TECRL: variants seen among roughly 807,000 people sequenced by gnomAD.
The protein encoded by TECRL is trans-2,3-enoyl-CoA reductase like.
A neutral mutation model predicts 52.8 loss-of-function variants in TECRL; 63 were observed. The observed-to-expected ratio is 1.19, with a 90% CI of 0.97 to 1.47. The LOEUF (loss-of-function observed/expected upper bound fraction) is 1.47. Among genes scored for constraint, TECRL ranks in the 40% most tolerant of loss-of-function variants. TECRL has a pLI of 0.00. For missense variants in TECRL, 482 were observed against 429.6 expected (o/e 1.12, Z -1.08); for synonymous variants, 164 against 141.9 (o/e 1.16, Z -1.10).
chr4:64,293,946 AT>A (rs1271033317), intron 8 of TECRL, among the ~76,000 whole-genome samples: 1 of 150,120 alleles, frequency 6.7e-6, no homozygotes, highest in African/African-American at 2.4e-5. Context: ...TAATATCATT[AT>A]TAATTTTTGG....
chr4:64,347,073 G>GCCATATAAA (rs1348079243), intron 2 of TECRL, among the ~76,000 whole-genome samples: 1 of 152,048 alleles, frequency 6.6e-6, no homozygotes, highest in African/African-American at 2.4e-5. Flanking sequence ...ACAAGAGTGG[G>GCCATATAAA]CCATATAAAT....
Position 64,307,686 on chromosome 4 carries a change from A to G in TECRL, c.657+2140T>C, listed in dbSNP as rs140941166. Among the ~76,000 whole-genome samples the G allele has an allele frequency of 4.5e-4, 68 of 152,318 alleles. No individual in the cohort carries two copies. The East Asian group carries it at 0.012, about 27-fold the overall frequency. ...TAATGTTCACTCTGGGCAAGCCCCAACATCACTCATTTATAGAGGCCTTCC... is the reference window on the plus strand; with the variant it reads ...TAATGTTCACTCTGGGCAAGCCCCAGCATCACTCATTTATAGAGGCCTTCC... On this transcript the variant is annotated intron_variant, in intron 6 of 11. Coordinates refer to ENST00000381210, the MANE Select transcript of TECRL (RefSeq NM_001010874.5).
chr4:64,326,573 C>A (rs1465736763), intron 3 of TECRL, among the ~76,000 whole-genome samples: 1 of 152,098 alleles, frequency 6.6e-6, no homozygotes, highest in Non-Finnish European at 1.5e-5. Flanking sequence ...CTACTCCCAG[C>A]TTGTGAGTAG....
chr4:64,376,926 G>C (rs148809188), intron 1 of TECRL, among the ~76,000 whole-genome samples: 1,896 of 152,048 alleles, frequency 0.012, 47 homozygotes, highest in African/African-American at 0.043. Context: ...AAATAAAGCT[G>C]TGAGTGCAAA....
In TECRL at chr4:64,353,204, TCAGA is replaced by T. The variant is rs752365699; in HGVS notation, c.286+21964_286+21967del. On this transcript the variant is annotated intron_variant, in intron 2 of 11. Transcript: ENST00000381210. ...GATATAAACACAGAATAAGAAGTTC[TCAGA>T]GAGTAATAAATACCATGCTGTTAAA... Among the ~76,000 whole-genome samples the T allele has an allele frequency of 4.5e-4, 69 of 152,286 alleles. No homozygotes were observed. The East Asian group carries it at 0.012, about 27-fold the overall frequency.
chr4:64,330,426 T>A (rs761592886), intron 2 of TECRL, among the ~76,000 whole-genome samples: 1 of 152,074 alleles, frequency 6.6e-6, no homozygotes, highest in African/African-American at 2.4e-5. Context: ...AAAGTTCAAA[T>A]GTTGATAGCC....
At chr4:64,391,846 A>T (rs1401786918) in intron 1 of TECRL, among the ~76,000 whole-genome samples, 4 of 151,922 alleles carry the variant, frequency 2.6e-5, no homozygotes, top group African/African-American at 4.8e-5. Flanking sequence ...TGTTACAATG[A>T]TATAGAAAGC....
At chr4:64,303,688 A>AAAG (rs1724151562) in intron 7 of TECRL, among the ~76,000 whole-genome samples, 1 of 151,832 alleles carries the variant, frequency 6.6e-6, no homozygotes, top group African/African-American at 2.4e-5. Context: ...AGCCTTAATA[A>AAAG]AAGTTAATTT....
At chr4:64,330,870 AT>A (rs1445134968) in intron 2 of TECRL, among the ~76,000 whole-genome samples, 1 of 152,136 alleles carries the variant, frequency 6.6e-6, no homozygotes, top group East Asian at 1.9e-4. Flanking sequence ...CAAATACCAC[AT>A]CCTAAAGATG....
chr4:64,299,928 T>TA, intron 8 of TECRL, 46 bp downstream of exon 8: 2 of 1,257,050 alleles, frequency 1.6e-6, no homozygotes, highest in South Asian at 1.7e-5. Flanking sequence ...TTCTTAATAA[T>TA]ACCAAAATTA....
Position 64,309,265 on chromosome 4 carries a change from T to C in TECRL, c.657+561A>G, listed in dbSNP as rs182399168. Among the ~76,000 whole-genome samples, 223 of 152,282 alleles carry C rather than the reference T, an allele frequency of 1.5e-3. 2 individuals carry two copies. The highest frequency in any genetic ancestry group is 9.7e-4 in the East Asian group (5 of 5,170). On this transcript the variant is annotated intron_variant, in intron 6 of 11. Coordinates refer to ENST00000381210, the MANE Select transcript of TECRL (RefSeq NM_001010874.5). The stretch of plus-strand genomic sequence containing the variant: ...CAAACCTTTTTCTGAAAATAGACTT[T>C]AAATTGAAAAACAAAATTTAGCTTA...
At chr4:64,323,935 G>A (rs184852905) in intron 3 of TECRL, among the ~76,000 whole-genome samples, 1 of 152,244 alleles carries the variant, frequency 6.6e-6, no homozygotes, top group African/African-American at 2.4e-5. Flanking sequence ...CTGACAAATA[G>A]GCAGCAGGGT....
intron 1 of TECRL, among the ~76,000 whole-genome samples, chr4:64,404,729 G>C (rs774588674): frequency 6.6e-6 from 1 of 152,064 alleles, no homozygotes; most frequent in African/African-American, 2.4e-5. Flanking sequence ...TTCAGAATAA[G>C]CTGGGGAGAA....
downstream of TECRL, chr4:64,276,937 G>A: frequency 2.3e-6 from 2 of 884,754 alleles, no homozygotes; most frequent in Non-Finnish European, 1.7e-6. Context: ...AGGTTTTAAA[G>A]GCTAAAAATG....
chr4:64,340,350 C>T (rs1462691603), intron 2 of TECRL, among the ~76,000 whole-genome samples: 1 of 152,184 alleles, frequency 6.6e-6, no homozygotes, highest in South Asian at 2.1e-4. Flanking sequence ...CCCAGGAATC[C>T]CTGAACTCTC....
At chr4:64,317,968 T>C (rs1717622822) in intron 4 of TECRL, among the ~76,000 whole-genome samples, 1 of 152,126 alleles carries the variant, frequency 6.6e-6, no homozygotes. Context: ...AGGATGAAGG[T>C]GGCCTCATAA....
intron 4 of TECRL, among the ~76,000 whole-genome samples, chr4:64,317,648 G>C (rs1279118813): frequency 1.3e-5 from 2 of 152,142 alleles, no homozygotes; most frequent in Admixed American, 1.3e-4. Context: ...TATCCTGCTA[G>C]ATAAAGATTG....
intron 1 of TECRL, 99 bp from the exon 2 acceptor site, chr4:64,375,322 A>G (rs1467419292): frequency 2.4e-5 from 14 of 574,376 alleles, no homozygotes; most frequent in African/African-American, 2.0e-4. Context: ...AAATTCTTAC[A>G]CAATAAGAAT....
At chr4:64,328,814 T>C (rs1718432278) in intron 2 of TECRL, among the ~76,000 whole-genome samples, 1 of 151,946 alleles carries the variant, frequency 6.6e-6, no homozygotes, top group African/African-American at 2.4e-5. Context: ...TATAGGTGTG[T>C]TCAGGTTTTG....
Sources: allele counts gnomAD v4.1 joint callset (sites outside exome capture counted in the v4.1 genomes callset), GRCh38; gene constraint gnomAD v4.1.1; transcripts MANE v1.5; gene names NCBI Gene and HGNC (gene_info 2026-07-23, HGNC 2026-07-21).